CCDC149: variants seen among roughly 807,000 people sequenced by gnomAD.
CCDC149 encodes the protein coiled-coil domain containing 149.
In CCDC149, 45 loss-of-function variants were observed where a neutral mutation model predicts 59.9. That is an observed-to-expected ratio of 0.75 (90% CI 0.59 to 0.96). The LOEUF (loss-of-function observed/expected upper bound fraction) is 0.96. CCDC149 is among the 40% of genes least tolerant of loss of function. CCDC149 has a pLI of 0.00. For synonymous variants in CCDC149, 245 were observed against 260.6 expected, an observed-to-expected ratio of 0.94 and a Z score of 0.58; for missense variants, 584 against 664.7, an observed-to-expected ratio of 0.88 and a Z score of 1.33.
chr4:24,911,891 G>T (rs1171348514), intron 1 of CCDC149, among the ~76,000 whole-genome samples: 1 of 152,204 alleles, frequency 6.6e-6, no homozygotes, highest in African/African-American at 2.4e-5. Context: ...GTGTGCACAG[G>T]ATTAAAGAAA....
At chr4:24,818,015 C>A (rs1477392161) in intron 12 of CCDC149, among the ~76,000 whole-genome samples, 1 of 152,062 alleles carries the variant, frequency 6.6e-6, no homozygotes, top group African/African-American at 2.4e-5. Context: ...AAACTTTATT[C>A]TATGGTAGCA....
chr4:24,821,132 AATAGCC>A (rs1715364205), intron 10 of CCDC149, 45 bp from the exon 11 acceptor site: 2 of 1,172,626 alleles, frequency 1.7e-6, no homozygotes, highest in Non-Finnish European at 2.1e-6. Flanking sequence ...GTTATTGCAT[AATAGCC>A]ATTTGAAGTT....
Position 24,938,827 on chromosome 4 carries a change from G to A in CCDC149, c.-65+41242C>T, listed in dbSNP as rs556255345. On this transcript the variant is annotated intron_variant, in intron 1 of 12. Transcript: ENST00000389609. ...ACAGCAGTCTGAGATCAAACTGCAAGGCATCAGCGAGGCTGGGTGAGGGGC... is the reference window on the plus strand; with the variant it reads ...ACAGCAGTCTGAGATCAAACTGCAAAGCATCAGCGAGGCTGGGTGAGGGGC... 3.9e-5 allele frequency among the ~76,000 whole-genome samples: 6 copies of A among 152,348 alleles called. No individual in the cohort carries two copies. The South Asian group carries it at 1.2e-3, about 32-fold the overall frequency.
intron 3 of CCDC149, among the ~76,000 whole-genome samples, chr4:24,866,135 G>A (rs1718680894): frequency 6.6e-6 from 1 of 152,092 alleles, no homozygotes; most frequent in Non-Finnish European, 1.5e-5. Flanking sequence ...ACTTTTTATG[G>A]AAATGAAAGG....
At chr4:24,863,368 T>A (rs1718500448) in intron 3 of CCDC149, among the ~76,000 whole-genome samples, 1 of 152,190 alleles carries the variant, frequency 6.6e-6, no homozygotes, top group Non-Finnish European at 1.5e-5. Context: ...ACACTGGAAA[T>A]AGGAATCAAA....
At chr4:24,821,835 G>A (rs1223166854) in intron 10 of CCDC149, among the ~76,000 whole-genome samples, 3 of 152,172 alleles carry the variant, frequency 2.0e-5, no homozygotes, top group Non-Finnish European at 4.4e-5. Context: ...GGTAAATACA[G>A]CTAATTAAAG....
At chr4:24,894,984 G>C in intron 1 of CCDC149, 1 of 1,536,172 alleles carries the variant, frequency 6.5e-7, no homozygotes, top group Non-Finnish European at 8.7e-7. Context: ...GGCATGGTTT[G>C]TCAATACCTC....
At chr4:24,887,779 A>G (rs901042265) in intron 1 of CCDC149, among the ~76,000 whole-genome samples, 1 of 151,304 alleles carries the variant, frequency 6.6e-6, no homozygotes, top group African/African-American at 2.4e-5. Flanking sequence ...CCTTTGGAGA[A>G]TGTAAATTAG....
At chr4:24,894,138 C>T (rs533270751) in intron 1 of CCDC149, among the ~76,000 whole-genome samples, 2 of 152,268 alleles carry the variant, frequency 1.3e-5, no homozygotes, top group African/African-American at 4.8e-5. Context: ...GTCAAGCATC[C>T]AGCACAGGAC....
intron 1 of CCDC149, among the ~76,000 whole-genome samples, chr4:24,879,130 C>G (rs528182669): frequency 2.0e-5 from 3 of 152,116 alleles, no homozygotes; most frequent in African/African-American, 4.8e-5. Context: ...TAAAGTAGCT[C>G]GAAGCAGAGC....
intron 3 of CCDC149, among the ~76,000 whole-genome samples, chr4:24,864,481 T>A (rs987213903): frequency 1.2e-4 from 19 of 152,156 alleles, no homozygotes; most frequent in Non-Finnish European, 2.9e-5. Context: ...CGGCTTCGAC[T>A]CCCTGTGATT....
intron 1 of CCDC149, among the ~76,000 whole-genome samples, chr4:24,971,554 C>T (rs1397184482): frequency 6.6e-6 from 1 of 152,230 alleles, no homozygotes; most frequent in Non-Finnish European, 1.5e-5. Context: ...GGTATAATTA[C>T]CCTGCTAATG....
chr4:24,895,839 T>C (rs2109296636), intron 1 of CCDC149, among the ~76,000 whole-genome samples: 1 of 152,336 alleles, frequency 6.6e-6, no homozygotes, highest in East Asian at 1.9e-4. Flanking sequence ...CTGACCCCAC[T>C]CTTGAGGACT....
chr4:24,884,091 C>T (rs571626157), intron 1 of CCDC149, among the ~76,000 whole-genome samples: 12 of 152,328 alleles, frequency 7.9e-5, no homozygotes, highest in African/African-American at 2.6e-4. Context: ...GGGAGACAGG[C>T]AGCTCTCCTG....
intron 1 of CCDC149, among the ~76,000 whole-genome samples, chr4:24,920,153 G>A (rs1337142487): frequency 6.6e-6 from 1 of 152,186 alleles, no homozygotes; most frequent in East Asian, 1.9e-4. Flanking sequence ...CAAAACCTGT[G>A]GCTTAAACAT....
intron 1 of CCDC149, among the ~76,000 whole-genome samples, chr4:24,953,652 C>A (rs1429440442): frequency 1.3e-5 from 2 of 152,116 alleles, no homozygotes; most frequent in Non-Finnish European, 2.9e-5. Flanking sequence ...TCAAAGCATG[C>A]AAAGTATGGC....
At chr4:24,836,743 G>A (rs974123756) in intron 6 of CCDC149, among the ~76,000 whole-genome samples, 3 of 152,038 alleles carry the variant, frequency 2.0e-5, no homozygotes, top group African/African-American at 7.2e-5. Flanking sequence ...AACAGCCCTC[G>A]CAGAGATTCC....
At chr4:24,851,373 C>T (rs561641092) in intron 4 of CCDC149, among the ~76,000 whole-genome samples, 3 of 152,338 alleles carry the variant, frequency 2.0e-5, no homozygotes, top group East Asian at 1.9e-4. Context: ...AACAATCCTC[C>T]GGCCTCAGCC....
chr4:24,808,835 G>C lies in CCDC149; in HGVS notation c.1193-16C>G. 6.5e-7 allele frequency: 1 copy of C among 1,534,478 alleles called. No individual in the cohort carries two copies. The highest frequency in any genetic ancestry group is 1.2e-5 in the South Asian group (1 of 80,926). On this transcript the variant is annotated splice_polypyrimidine_tract_variant and intron_variant, in intron 12 of 12. Transcript: ENST00000635206. The stretch of plus-strand genomic sequence containing the variant: ...TGAGCCTCCCCTGAAAACAGAACGA[G>C]GACAACATTAAACCTCTGGCAGCAA...
Sources: gnomAD v4.1 joint callset for allele counts (sites outside exome capture counted in the v4.1 genomes callset) on GRCh38, gnomAD v4.1.1 for gene constraint, MANE v1.5 for transcripts, NCBI Gene and HGNC (gene_info 2026-07-23, HGNC 2026-07-21) for gene names.